The following CAST variants were observed in gnomAD, a reference collection of about 807,000 sequenced individuals.
CAST encodes the protein MIR583 host.
A neutral mutation model predicts 119.6 loss-of-function variants in CAST; 76 were observed. The ratio of observed to expected loss-of-function variants is 0.64; its 90% CI spans 0.53 to 0.77. The LOEUF (loss-of-function observed/expected upper bound fraction) is 0.77, where lower values mean the gene tolerates loss of function less well. Ranked by LOEUF, CAST falls within the 30% of genes least tolerant of loss-of-function variation. CAST has a pLI of 0.00. For missense variants in CAST, 953 were observed against 946.5 expected, an observed-to-expected ratio of 1.01 and a Z score of -0.09; for synonymous variants, 319 against 331.6, an observed-to-expected ratio of 0.96 and a Z score of 0.41.
rs1348699532 is a variant in CAST, at chr5:96,729,077, TTTGTTC to T, written c.379-64_379-59del. 8 of 935,668 alleles carry T rather than the reference TTTGTTC, an allele frequency of 8.6e-6. No individual in the cohort carries two copies. The African/African-American group carries it at 1.2e-4, about 14-fold the overall frequency. 58.0% of individuals were successfully genotyped at this position (935,668 alleles called of 1,614,324 possible). A position where few individuals can be genotyped will look rare whatever the true frequency, so the allele number is the denominator to read the frequency against. On this transcript the variant is annotated intron_variant, in intron 6 of 31. Coordinates refer to ENST00000675179, the MANE Select transcript of CAST (RefSeq NM_001750.7). ...AAAGGCAGAATGTTTTAGTTGGAAT[TTTGTTC>T]TTGTTCTTGTTTGAAAGTATTACAA... is the stretch of plus-strand genomic sequence containing the variant.
chr5:96,741,438 A>T, intron 14 of CAST, 56 bp from the exon 15 acceptor site: 1 of 1,485,614 alleles, frequency 6.7e-7, no homozygotes, highest in Non-Finnish European at 9.4e-7. Flanking sequence ...AGTTCAGGCT[A>T]TTACAGTTAA....
At chr5:96,754,014 G>A in intron 20 of CAST, 46 bp from the exon 21 acceptor site, 12 of 1,071,746 alleles carry the variant, frequency 1.1e-5, no homozygotes, top group Non-Finnish European at 1.5e-5. Flanking sequence ...TGTTTTAAAG[G>A]GAGTGATTAA....
chr5:96,589,184 T>C (rs1746918847), intron 1 of CAST, among the ~76,000 whole-genome samples: 1 of 152,196 alleles, frequency 6.6e-6, no homozygotes, highest in Admixed American at 6.5e-5. Context: ...CTCTTCAATT[T>C]ATGTTCAAAG....
chr5:96,542,839 T>C (rs995658658), intron 1 of CAST, among the ~76,000 whole-genome samples: 2 of 152,228 alleles, frequency 1.3e-5, no homozygotes, highest in Admixed American at 1.3e-4. Flanking sequence ...CATGATGAGA[T>C]GCCATCTCAC....
chr5:96,360,699 T>C, the CAST span, among the ~76,000 whole-genome samples: 1 of 152,218 alleles, frequency 6.6e-6, no homozygotes, highest in Non-Finnish European at 1.5e-5. Flanking sequence ...TTCCTTCCTC[T>C]GGAAGCTTCA....
chr5:96,116,967 A>G, the CAST span, among the ~76,000 whole-genome samples: 4,815 of 152,240 alleles, frequency 0.032, 203 homozygotes, highest in African/African-American at 0.1. Context: ...CCACATGGCA[A>G]CTTGAACTTT....
chr5:96,631,603 C>A lies in CAST; in HGVS notation c.61-43936C>A, dbSNP rs1217097181. Reference sequence around the variant, plus strand: ...TGAATACTTTTTTTTTTTTTTGAGACGGAGTCTTGCTCTGTCTCCCAGGCT... The same window carrying A: ...TGAATACTTTTTTTTTTTTTTGAGAAGGAGTCTTGCTCTGTCTCCCAGGCT... On this transcript the variant is annotated intron_variant, in intron 1 of 11. Coordinates refer to the CAST transcript ENST00000505143. 1.5e-5 allele frequency among the ~76,000 whole-genome samples: 2 copies of A among 129,746 alleles called. 1 individual carries two copies. Among genetic ancestry groups the A allele is most frequent in the African/African-American group, 5.6e-5 (2 of 35,956 alleles). 85.1% of individuals were successfully genotyped at this position (129,746 alleles called of 152,430 possible).
chr5:96,356,593 C>G, the CAST span, among the ~76,000 whole-genome samples: 2,069 of 152,220 alleles, frequency 0.014, 26 homozygotes, highest in Non-Finnish European at 0.021. Context: ...ATAGGGAATC[C>G]TTTCCCCATT....
chr5:96,034,664 A>G, the CAST span, among the ~76,000 whole-genome samples: 1 of 151,528 alleles, frequency 6.6e-6, no homozygotes, highest in Non-Finnish European at 1.5e-5. Context: ...TCAAGAATAC[A>G]ATATACTGTT....
intron 1 of CAST, among the ~76,000 whole-genome samples, chr5:96,553,414 CATA>C (rs1470209731): frequency 1.3e-5 from 2 of 152,120 alleles, no homozygotes; most frequent in Non-Finnish European, 2.9e-5. Context: ...CATATCTCAA[CATA>C]ATAAGAGCTA....
chr5:96,000,567 G>T, the CAST span, among the ~76,000 whole-genome samples: 1 of 152,290 alleles, frequency 6.6e-6, no homozygotes, highest in East Asian at 1.9e-4. Context: ...CCAGCTTCAA[G>T]TATAGTCAAG....
the CAST span, chr5:95,980,461 C>T: frequency 1.3e-5 from 2 of 152,264 alleles, no homozygotes; most frequent in East Asian, 1.9e-4. Context: ...TTTTGATTCC[C>T]AATGGCCTCT....
chr5:96,625,455 G>A (rs550238613), intron 1 of CAST, among the ~76,000 whole-genome samples: 1 of 152,182 alleles, frequency 6.6e-6, no homozygotes, highest in Non-Finnish European at 1.5e-5. Flanking sequence ...AGAAAGCTAG[G>A]AGGCAGAATT....
At chr5:96,504,307 T>C in the CAST span, among the ~76,000 whole-genome samples, 1 of 152,262 alleles carries the variant, frequency 6.6e-6, no homozygotes, top group South Asian at 2.1e-4. Context: ...CTTTTCTCAT[T>C]TCCCATACAC....
At chr5:96,654,817 G>A (rs560079860) in intron 1 of CAST, among the ~76,000 whole-genome samples, 7 of 152,316 alleles carry the variant, frequency 4.6e-5, no homozygotes, top group Admixed American at 4.6e-4. Flanking sequence ...TGTTAAATTT[G>A]GGGAGGGCTC....
chr5:96,177,239 T>C, the CAST span, among the ~76,000 whole-genome samples: 1 of 152,124 alleles, frequency 6.6e-6, no homozygotes, highest in Non-Finnish European at 1.5e-5. Context: ...AACTTCCTAT[T>C]TTGGGAAAAA....
At chr5:96,081,595 C>T in the CAST span, among the ~76,000 whole-genome samples, 3 of 152,150 alleles carry the variant, frequency 2.0e-5, no homozygotes, top group African/African-American at 7.2e-5. Flanking sequence ...ACAGAATCAG[C>T]AGTAACTTGC....
the CAST span, among the ~76,000 whole-genome samples, chr5:96,462,121 A>G: frequency 6.6e-6 from 1 of 152,092 alleles, no homozygotes; most frequent in Non-Finnish European, 1.5e-5. Context: ...CTTCCCAACC[A>G]GGTTAGATAT....
At chr5:96,729,851 G>T in intron 8 of CAST, 126 bp downstream of exon 8, 2 of 608,864 alleles carry the variant, frequency 3.3e-6, no homozygotes, top group South Asian at 4.0e-5. Context: ...GTATTATAGT[G>T]ATTTGGTATT....
Sources: allele counts gnomAD v4.1 joint callset (sites outside exome capture counted in the v4.1 genomes callset), GRCh38; gene constraint gnomAD v4.1.1; transcripts MANE v1.5; gene names NCBI Gene and HGNC (gene_info 2026-07-23, HGNC 2026-07-21).